IPO11: variants seen among roughly 807,000 people sequenced by gnomAD.
The protein encoded by IPO11 is importin-11.
In IPO11, 66 loss-of-function variants were observed where a neutral mutation model predicts 143.2. That is an observed-to-expected ratio of 0.46 (90% CI 0.38 to 0.57). The LOEUF is 0.57. IPO11 is among the 20% of genes least tolerant of loss of function. The pLI, the probability that IPO11 is intolerant of heterozygous loss-of-function variation, is 0.00. For missense variants in IPO11, 1,026 were observed against 1,141.0 expected (o/e 0.90, Z 1.45); for synonymous variants, 385 against 377.8 (o/e 1.02, Z -0.22).
In IPO11 at chr5:62,570,230, T is replaced by C. The variant is rs79614424; in HGVS notation, c.2582+8973T>C. ...AATTCCTTGGCTTACTGATTTTTCA[T>C]TGAAGGGTTATAATCATTTATAAAA... On this transcript the variant is annotated intron_variant, in intron 27 of 29. Coordinates refer to ENST00000325324, the MANE Select transcript of IPO11 (RefSeq NM_016338.5). Among the ~76,000 whole-genome samples the C allele has an allele frequency of 4.1e-4, 63 of 152,284 alleles. 2 individuals are homozygous for C. The highest frequency in any genetic ancestry group is 1.5e-3 in the African/African-American group (62 of 41,560).
intron 20 of IPO11, 142 bp from the exon 21 acceptor site, chr5:62,526,000 T>C (rs1411883652): frequency 3.2e-6 from 2 of 631,600 alleles, no homozygotes; most frequent in East Asian, 2.8e-5. Flanking sequence ...TTTGTTTTGC[T>C]ATTACTTGTA....
At chr5:62,606,833 T>C (rs543545174) in intron 29 of IPO11, among the ~76,000 whole-genome samples, 3 of 152,368 alleles carry the variant, frequency 2.0e-5, no homozygotes, top group African/African-American at 7.2e-5. Flanking sequence ...AGACTGCAGC[T>C]CTGGCAAGCT....
At chr5:62,425,247 G>A (rs1418387238) in intron 1 of IPO11, among the ~76,000 whole-genome samples, 1 of 152,152 alleles carries the variant, frequency 6.6e-6, no homozygotes, top group Non-Finnish European at 1.5e-5. Flanking sequence ...CCCTCCTTGG[G>A]GGGAAAGGAA....
In IPO11 at chr5:62,533,212, C is replaced by CT. The variant is rs996164060; in HGVS notation, c.2089+2429dup. ...TTGCATGTATATTCTTTCTTTCTTT[C>CT]TTCTTTTTTTTTTTTTGAGATGGAG... On this transcript the variant is annotated intron_variant, in intron 22 of 29. Transcript: ENST00000325324. Among the ~76,000 whole-genome samples, 180 of 90,984 alleles carry CT rather than the reference C, an allele frequency of 2.0e-3. 1 individual carries two copies. Among genetic ancestry groups the CT allele is most frequent in the African/African-American group, 7.5e-3 (154 of 20,506 alleles). The allele number at this position is 90,984 out of a possible 152,430, so 59.7% of individuals were successfully genotyped here.
chr5:62,436,023 A>G (rs1744218810), intron 1 of IPO11, among the ~76,000 whole-genome samples: 1 of 152,204 alleles, frequency 6.6e-6, no homozygotes, highest in Non-Finnish European at 1.5e-5. Flanking sequence ...CTCTGTCTCA[A>G]AAAATAAATC....
At chr5:62,587,274 C>CA (rs529266021) in intron 27 of IPO11, among the ~76,000 whole-genome samples, 2 of 151,200 alleles carry the variant, frequency 1.3e-5, no homozygotes, top group Admixed American at 6.6e-5. Context: ...TTATTGAATG[C>CA]AAAAAAAATT....
rs12189044 is a variant in IPO11, at chr5:62,511,068, C to G, written c.1783-4320C>G. Among the ~76,000 whole-genome samples the G allele has an allele frequency of 3.6e-3, 554 of 152,192 alleles. 4 individuals are homozygous for G. The highest frequency in any genetic ancestry group is 5.5e-3 in the Non-Finnish European group (377 of 68,002). ...GATTTTTGAAATACTATTTTTATAG[C>G]ATTAATTTTAATTTAGAACATTGTA... On this transcript the variant is annotated intron_variant, in intron 19 of 29. Coordinates refer to ENST00000325324, the MANE Select transcript of IPO11 (RefSeq NM_016338.5).
Position 62,506,237 on chromosome 5 carries a change from GCA to G in IPO11, c.1666-3_1666-2del. ...TTTTTTATTTTCTTTCTTTTTACCT[GCA>G]GTATTTGGAAACCATGTTCACACTA... On this transcript the variant is annotated splice_acceptor_variant and splice_polypyrimidine_tract_variant and intron_variant, in intron 18 of 29. Coordinates refer to ENST00000325324, the MANE Select transcript of IPO11 (RefSeq NM_016338.5). LOFTEE classifies it high-confidence loss of function. 1 of 1,519,000 alleles carries G rather than the reference GCA, an allele frequency of 6.6e-7. No individual in the cohort carries two copies. The highest frequency in any genetic ancestry group is 1.2e-5 in the South Asian group (1 of 86,626). 94.1% of individuals were successfully genotyped at this position (1,519,000 alleles called of 1,614,324 possible).
intron 24 of IPO11, among the ~76,000 whole-genome samples, chr5:62,543,260 G>C (rs541956965): frequency 6.6e-6 from 1 of 152,302 alleles, no homozygotes; most frequent in South Asian, 2.1e-4. Flanking sequence ...AGAAGGAATG[G>C]TACCAGCTCC....
intron 27 of IPO11, among the ~76,000 whole-genome samples, chr5:62,570,735 A>G (rs1039588730): frequency 1.7e-4 from 26 of 152,210 alleles, no homozygotes; most frequent in African/African-American, 5.5e-4. Flanking sequence ...CTGTCTGCAA[A>G]TTAGATAAAA....
In IPO11 at chr5:62,495,965, CTTAG is replaced by C. The variant is rs202181666; in HGVS notation, c.1590+1846_1590+1849del. ...CTGAAATAAATATTCAAATGGGCCT[CTTAG>C]TTAGGCAACTGGTCAGAGTCTTTAA... is the stretch of plus-strand genomic sequence containing the variant. On this transcript the variant is annotated intron_variant, in intron 16 of 29. Transcript: ENST00000325324. Among the ~76,000 whole-genome samples the C allele has an allele frequency of 4.8e-3, 726 of 152,230 alleles. 10 individuals are homozygous for C. Among genetic ancestry groups the C allele is most frequent in the African/African-American group, 0.017 (700 of 41,546 alleles).
intron 27 of IPO11, among the ~76,000 whole-genome samples, chr5:62,589,914 A>G (rs1744949916): frequency 6.6e-6 from 1 of 152,210 alleles, no homozygotes; most frequent in Admixed American, 6.5e-5. Flanking sequence ...AACTGAGAGT[A>G]GCTAGAGATG....
chr5:62,598,423 TC>T (rs1561380573), intron 28 of IPO11, among the ~76,000 whole-genome samples: 410 of 37,658 alleles, frequency 0.011, 30 homozygotes, highest in South Asian at 0.021. Context: ...TTTCTTTCTT[TC>T]TTTCTTTCTC....
At chr5:62,598,242 A>C (rs934223931) in intron 28 of IPO11, among the ~76,000 whole-genome samples, 1 of 151,998 alleles carries the variant, frequency 6.6e-6, no homozygotes, top group African/African-American at 2.4e-5. Context: ...TTTCTGAAAC[A>C]GTGGTAGCAT....
intron 23 of IPO11, 131 bp from the exon 24 acceptor site, chr5:62,537,078 T>G: frequency 5.1e-6 from 3 of 584,168 alleles, no homozygotes; most frequent in Admixed American, 3.2e-5. Flanking sequence ...GCGTTCTGAT[T>G]GAAATTTGAT....
At chr5:62,496,140 T>C (rs938884439) in intron 16 of IPO11, among the ~76,000 whole-genome samples, 9 of 151,864 alleles carry the variant, frequency 5.9e-5, no homozygotes, top group African/African-American at 2.2e-4. Flanking sequence ...ATACAAAAAT[T>C]AGCTGGGCAT....
In IPO11 at chr5:62,580,829, G is replaced by C. The variant is rs1034958567; in HGVS notation, c.2583-10748G>C. 2.6e-6 allele frequency: 4 copies of C among 1,551,208 alleles called. No homozygotes were observed. The African/African-American group carries it at 5.5e-5, about 21-fold the overall frequency. On this transcript the variant is annotated intron_variant, in intron 27 of 29. Transcript: ENST00000325324. ...GAACGAATTCCTACTTCACCTGCTG[G>C]TAGATTTTTTCAAGAGAATGCCTTT...
intron 9 of IPO11, among the ~76,000 whole-genome samples, chr5:62,479,999 C>T (rs2112217037): frequency 6.6e-6 from 1 of 152,272 alleles, no homozygotes; most frequent in Non-Finnish European, 1.5e-5. Flanking sequence ...GTGTTTTAGT[C>T]ATGAAGTCTT....
At chr5:62,460,433 G>T (rs35010) in intron 5 of IPO11, among the ~76,000 whole-genome samples, 104,012 of 152,088 alleles carry the variant, frequency 0.68, 35,855 homozygotes, top group African/African-American at 0.75. Flanking sequence ...AAGCAGATTT[G>T]GGCATCTATA....
Sources: gnomAD v4.1 joint callset for allele counts (sites outside exome capture counted in the v4.1 genomes callset) on GRCh38, gnomAD v4.1.1 for gene constraint, MANE v1.5 for transcripts, NCBI Gene and HGNC (gene_info 2026-07-23, HGNC 2026-07-21) for gene names.